Variants in ZNF3 observed in about 807,000 individuals in gnomAD.
ZNF3 encodes the protein C2-H2 type zinc finger protein.
A neutral mutation model predicts 36.9 loss-of-function variants in ZNF3; 16 were observed. The ratio of observed to expected loss-of-function variants is 0.43; its 90% confidence interval spans 0.29 to 0.66. ZNF3 has a LOEUF of 0.66. Among genes scored for constraint, ZNF3 ranks in the 30% least tolerant of loss-of-function variants. The pLI is 0.13. For missense variants in ZNF3, 462 were observed against 543.1 expected (o/e 0.85, Z 1.48); for synonymous variants, 201 against 201.9 (o/e 1.00, Z 0.04).
chr7:100,065,747 A>G (rs75012970), downstream of ZNF3, among the ~76,000 whole-genome samples: 6,007 of 151,262 alleles, frequency 0.04, 123 homozygotes, highest in Middle Eastern at 0.072. Context: ...TAAGTAAACA[A>G]TGTGCTGGGC....
Position 100,072,624 on chromosome 7 carries a change from G to C in ZNF3, c.272-412C>G, listed in dbSNP as rs549211384. Among the ~76,000 whole-genome samples the C allele has an allele frequency of 1.8e-4, 27 of 152,296 alleles. 1 individual carries two copies. Among genetic ancestry groups the C allele is most frequent in the African/African-American group, 6.5e-4 (27 of 41,572 alleles). On this transcript the variant is annotated intron_variant, in intron 5 of 5. Transcript: ENST00000299667. Reference sequence around the variant, plus strand: ...AGTACAGGACAGTTGGTGAGAAAAGGGGGGAAGGGTGAGGAGAGACAGCAG... The same window carrying C: ...AGTACAGGACAGTTGGTGAGAAAAGCGGGGAAGGGTGAGGAGAGACAGCAG...
At chr7:100,065,572 G>A (rs1792608302), downstream of ZNF3, among the ~76,000 whole-genome samples, 1 of 152,044 alleles carries the variant, frequency 6.6e-6, no homozygotes, top group Admixed American at 6.6e-5. Flanking sequence ...GTTTTTTACA[G>A]AAGCCATACA....
At chr7:100,080,431 C>T (rs1034777721) in intron 1 of ZNF3, among the ~76,000 whole-genome samples, 3 of 151,930 alleles carry the variant, frequency 2.0e-5, no homozygotes, top group African/African-American at 2.4e-5. Context: ...GAGTTCCAGG[C>T]TATGGTGAGC....
chr7:100,075,420 G>C, intron 4 of ZNF3, 122 bp downstream of exon 4: 1 of 1,506,100 alleles, frequency 6.6e-7, no homozygotes, highest in Non-Finnish European at 9.2e-7. Flanking sequence ...AGAAGGTGAG[G>C]GTCCATGATT....
At chr7:100,072,435 A>C (rs905171244) in intron 5 of ZNF3, among the ~76,000 whole-genome samples, 5 of 152,180 alleles carry the variant, frequency 3.3e-5, no homozygotes, top group Non-Finnish European at 7.3e-5. Flanking sequence ...CTGGAAGTGG[A>C]AAGAAAGCTG....
Position 100,071,796 on chromosome 7 carries a change from A to C in ZNF3, c.688T>G (p.Cys230Gly). 3.1e-6 allele frequency: 5 copies of C among 1,613,880 alleles called. No homozygotes were observed. The highest frequency in any genetic ancestry group is 4.2e-6 in the Non-Finnish European group (5 of 1,179,840). The change falls in exon 6 of 6, where the codon TGT becomes GGT. Residue 230 changes from cysteine to glycine, a missense_variant. Coordinates refer to ENST00000299667, the MANE Select transcript of ZNF3 (RefSeq NM_032924.5). ...RIHTGEKPYE[C>G]NECGKAFSQS... ...CTGAAGGCCTTCCCACACTCATTACATTCATAGGGCTTTTCCCCAGTGTGG... is the reference window on the plus strand; with the variant it reads ...CTGAAGGCCTTCCCACACTCATTACCTTCATAGGGCTTTTCCCCAGTGTGG...
downstream of ZNF3, among the ~76,000 whole-genome samples, chr7:100,068,824 AT>A (rs562940443): frequency 2.0e-5 from 3 of 148,152 alleles, no homozygotes; most frequent in Non-Finnish European, 3.0e-5. Flanking sequence ...CACCCAGCTA[AT>A]TTTTTTTTTG....
Position 100,075,158 on chromosome 7 carries a change from T to A in ZNF3, c.248A>T (p.Asn83Ile). Residue 83 changes from asparagine (N) to isoleucine (I), a missense_variant, in exon 5 of 6, where the codon AAT becomes ATT. Coordinates refer to ENST00000299667, the MANE Select transcript of ZNF3 (RefSeq NM_032924.5). ...RDLYRDVMLE[N>I]YGNVFSLDRE... is the part of the protein sequence containing the mutation. ...ACCCAGTGAGAACACATTCCCGTAATTCTCCAGCATCACATCTCTATAGAG... is the reference window on the plus strand; with the variant it reads ...ACCCAGTGAGAACACATTCCCGTAAATCTCCAGCATCACATCTCTATAGAG... 1 of 1,611,442 alleles carries A rather than the reference T, an allele frequency of 6.2e-7. No individual in the cohort carries two copies.
intron 4 of ZNF3, 52 bp from the exon 5 acceptor site, chr7:100,075,313 G>A (rs949753142): frequency 2.4e-5 from 39 of 1,612,570 alleles, no homozygotes; most frequent in Middle Eastern, 3.3e-4. Flanking sequence ...TGTGAATGGC[G>A]GCACCAAAAA....
rs144925041 is a variant in ZNF3 at position 100,064,069 on chromosome 7, C to T, written c.*719G>A. 2.6e-5 allele frequency: 42 copies of T among 1,614,182 alleles called. No individual in the cohort carries two copies. In the East Asian group the frequency reaches 3.1e-4, roughly 12 times the overall value. On this transcript the variant is annotated 3_prime_UTR_variant, in exon 6 of 6. Coordinates refer to the ZNF3 transcript ENST00000413658. Reference sequence around the variant, plus strand: ...CAAAGCCTTTAGTAATAGCTCAAATCTCACCAAACACAGGAGAACACACAC... The same window carrying T: ...CAAAGCCTTTAGTAATAGCTCAAATTTCACCAAACACAGGAGAACACACAC...
intron 4 of ZNF3, 136 bp from the exon 5 acceptor site, chr7:100,075,397 A>C (rs1745704248): frequency 6.5e-7 from 1 of 1,534,622 alleles, no homozygotes; most frequent in Admixed American, 1.8e-5. Context: ...GAAGAGAGAC[A>C]GGAGTCCAAG....
chr7:100,072,169 G>T lies in ZNF3; in HGVS notation c.315C>A (p.Asp105Glu). The T allele has an allele frequency of 6.3e-7, 1 of 1,598,628 alleles. No individual in the cohort carries two copies. The highest frequency in any genetic ancestry group is 8.5e-7 in the Non-Finnish European group (1 of 1,175,940). ...CCAGTAGGACCCCATGTGATCTTGTGTCTTCAGAAATTTCTTGATCATTTT... is the reference window on the plus strand; with the variant it reads ...CCAGTAGGACCCCATGTGATCTTGTTTCTTCAGAAATTTCTTGATCATTTT... ...RTENDQEISE[D>E]TRSHGVLLGR... is the part of the protein sequence containing the mutation. Residue 105 changes from aspartate to glutamate, a missense_variant, in exon 6 of 6, where the codon GAC becomes GAA. Transcript: ENST00000299667.
chr7:100,064,901 C>T (rs751189921), exon 6 of ZNF3: 35 of 1,613,796 alleles, frequency 2.2e-5, no homozygotes, highest in South Asian at 4.4e-5. Context: ...GTTAAACAGA[C>T]GTGTATCCAG....
chr7:100,075,336 T>C, intron 4 of ZNF3, 75 bp from the exon 5 acceptor site: 1 of 1,611,834 alleles, frequency 6.2e-7, no homozygotes, highest in East Asian at 2.2e-5. Context: ...TCACTGAGGA[T>C]GGGGTGAAAA....
At chr7:100,067,673 A>G (rs150398167), downstream of ZNF3, among the ~76,000 whole-genome samples, 13 of 152,186 alleles carry the variant, frequency 8.5e-5, no homozygotes, top group Admixed American at 3.3e-4. Flanking sequence ...GAGTGCTGAG[A>G]TTACAGGCGT....
exon 6 of ZNF3, chr7:100,064,253 TG>T (rs756392134): frequency 6.2e-7 from 1 of 1,614,000 alleles, no homozygotes; most frequent in Admixed American, 1.7e-5. Context: ...CATCAGAGAA[TG>T]CACACAGAAG....
downstream of ZNF3, among the ~76,000 whole-genome samples, chr7:100,068,339 C>G (rs933665974): frequency 6.6e-6 from 1 of 152,032 alleles, no homozygotes; most frequent in Non-Finnish European, 1.5e-5. Flanking sequence ...CTTGGCCTCC[C>G]AAAGTGCTGG....
chr7:100,064,244 A>G (rs1166965732), exon 6 of ZNF3: 12 of 1,614,072 alleles, frequency 7.4e-6, no homozygotes, highest in African/African-American at 1.3e-5. Context: ...CTTCTTAAAC[A>G]TCAGAGAATG....
rs951567349 is a variant in ZNF3 at position 100,075,118 on chromosome 7, A to G, written c.271+17T>C. 8.3e-6 allele frequency: 13 copies of G among 1,570,386 alleles called. No individual in the cohort carries two copies. Among genetic ancestry groups the G allele is most frequent in the Non-Finnish European group, 1.1e-5 (13 of 1,155,462 alleles). ...AGAAACACCAGCGAGTTTTGTTGAC[A>G]AGGCATAACTCCTTACCCAGTGAGA... On this transcript the variant is annotated intron_variant, in intron 5 of 5. Transcript: ENST00000299667.
Sources: gnomAD v4.1 joint callset for allele counts (sites outside exome capture counted in the v4.1 genomes callset) on GRCh38, gnomAD v4.1.1 for gene constraint, MANE v1.5 for transcripts, NCBI Gene and HGNC (gene_info 2026-07-23, HGNC 2026-07-21) for gene names.